The following ANGPT4 variants were observed in gnomAD, a reference collection of about 807,000 sequenced individuals.
The protein encoded by ANGPT4 is angiopoietin 4.
ANGPT4 carries 50 observed loss-of-function variants against 53.0 expected under a neutral mutation model. That is an observed-to-expected ratio of 0.94 (90% CI 0.75 to 1.20). The LOEUF (loss-of-function observed/expected upper bound fraction) is 1.20. ANGPT4 is among the 50% of genes most tolerant of loss of function. The pLI is 0.00. For missense variants in ANGPT4, 648 were observed against 637.1 expected, an observed-to-expected ratio of 1.02 and a Z score of -0.18; for synonymous variants, 251 against 259.7, an observed-to-expected ratio of 0.97 and a Z score of 0.32.
chr20:900,606 T>A (rs1052437780), intron 1 of ANGPT4, among the ~76,000 whole-genome samples: 4 of 152,198 alleles, frequency 2.6e-5, no homozygotes, highest in African/African-American at 9.7e-5. Flanking sequence ...AACAGTTCAC[T>A]ACTATTTTGT....
intron 1 of ANGPT4, among the ~76,000 whole-genome samples, chr20:893,628 C>G (rs1477906712): frequency 2.0e-5 from 3 of 152,110 alleles, no homozygotes; most frequent in African/African-American, 7.2e-5. Context: ...ATGTCCCCAA[C>G]TCGCCATCTC....
intron 4 of ANGPT4, among the ~76,000 whole-genome samples, chr20:884,463 C>T (rs886886802): frequency 2.0e-5 from 3 of 152,234 alleles, no homozygotes; most frequent in Admixed American, 2.0e-4. Flanking sequence ...TGTTTGTTGA[C>T]TGAGTGATTG....
intron 4 of ANGPT4, 41 bp from the exon 5 acceptor site, chr20:881,327 G>A (rs1423587719): frequency 1.9e-6 from 3 of 1,590,340 alleles, no homozygotes; most frequent in Admixed American, 1.7e-5. Flanking sequence ...AGGTGGGCAA[G>A]GAAAGAGAGA....
At chr20:883,881 C>T (rs1163500689) in intron 4 of ANGPT4, among the ~76,000 whole-genome samples, 7 of 152,298 alleles carry the variant, frequency 4.6e-5, no homozygotes, top group East Asian at 3.9e-4. Context: ...CCACATGTCG[C>T]GATTTGGAAG....
Position 885,205 on chromosome 20 carries a change from G to T in ANGPT4, c.708C>A (p.Asn236Lys). The stretch of plus-strand genomic sequence containing the variant: ...TGACACCGCGCAGGCCGCGCTCGAT[G>T]TTGGTGAGGGCGGCGCTCTGGCGGC... ...TLSRQSAALT[N>K]IERGLRGVRH... Residue 236 changes from asparagine (N) to lysine (K), a missense_variant, in exon 4 of 9, where the codon AAC (asparagine) becomes AAA (lysine). By Grantham distance (94) the Asn-to-Lys change is moderately conservative. Coordinates refer to ENST00000381922, the MANE Select transcript of ANGPT4 (RefSeq NM_015985.4). 2 of 1,599,050 alleles carry T rather than the reference G, an allele frequency of 1.3e-6. No individual in the cohort carries two copies. The highest frequency in any genetic ancestry group is 1.7e-5 in the Admixed American group (1 of 57,978).
chr20:900,046 A>G (rs983049829), intron 1 of ANGPT4, among the ~76,000 whole-genome samples: 1 of 152,208 alleles, frequency 6.6e-6, no homozygotes, highest in East Asian at 1.9e-4. Flanking sequence ...TCCTCCTTCC[A>G]GCCTCACAGG....
intron 1 of ANGPT4, among the ~76,000 whole-genome samples, chr20:900,231 A>T (rs372864700): frequency 6.6e-6 from 1 of 152,126 alleles, no homozygotes; most frequent in Non-Finnish European, 1.5e-5. Flanking sequence ...TTGTTTGCTT[A>T]TACCCAGCCC....
intron 1 of ANGPT4, among the ~76,000 whole-genome samples, chr20:910,863 A>G (rs1982668497): frequency 6.6e-6 from 1 of 152,118 alleles, no homozygotes; most frequent in Non-Finnish European, 1.5e-5. Flanking sequence ...GGTCATCCCC[A>G]GGCCGAGGGT....
chr20:916,279 T>A lies in ANGPT4; in HGVS notation c.-65A>T. 2 of 1,533,996 alleles carry A rather than the reference T, an allele frequency of 1.3e-6. No individual in the cohort carries two copies. Among genetic ancestry groups the A allele is most frequent in the Non-Finnish European group, 1.8e-6 (2 of 1,130,168 alleles). Reference sequence around the variant, plus strand: ...CCTAGGGGCTGTGCCTGGGATGTCCTGCTGCAGCCAACAGTGGCCAGGCTT... The same window carrying A: ...CCTAGGGGCTGTGCCTGGGATGTCCAGCTGCAGCCAACAGTGGCCAGGCTT... On this transcript the variant is annotated 5_prime_UTR_variant, in exon 1 of 9. Coordinates refer to ENST00000381922, the MANE Select transcript of ANGPT4 (RefSeq NM_015985.4).
rs1982943368 is a variant in ANGPT4, at chr20:916,255, C to G, written c.-41G>C. ...TGGCGAGGGATGTCTGCTCAGAGCC[C>G]TAGGGGCTGTGCCTGGGATGTCCTG... On this transcript the variant is annotated 5_prime_UTR_variant, in exon 1 of 9. Transcript: ENST00000381922. 4 of 1,577,946 alleles carry G rather than the reference C, an allele frequency of 2.5e-6. No homozygotes were observed. Among genetic ancestry groups the G allele is most frequent in the African/African-American group, 2.7e-5 (2 of 74,482 alleles).
chr20:908,760 C>T lies in ANGPT4; in HGVS notation c.309+7146G>A, dbSNP rs76251843. 0.032 allele frequency among the ~76,000 whole-genome samples: 4,857 copies of T among 150,750 alleles called. 246 individuals are homozygous for T. The highest frequency in any genetic ancestry group is 0.11 in the African/African-American group (4,384 of 40,850). ...CAAACTAAGTTCAGAGTTGTGTATA[C>T]ACATTTGTGTTTGTGTGTGGTGGGG... On this transcript the variant is annotated intron_variant, in intron 1 of 8. Transcript: ENST00000381922. The surrounding 1 kb of genome is among the most constrained non-coding windows in gnomAD (Gnocchi z 4.9).
chr20:899,903 G>A (rs1982222448), intron 1 of ANGPT4, among the ~76,000 whole-genome samples: 1 of 152,182 alleles, frequency 6.6e-6, no homozygotes, highest in South Asian at 2.1e-4. Flanking sequence ...TTCAGGGACA[G>A]CCCCTATTAC....
In ANGPT4 at chr20:908,197, C is replaced by T. The variant is rs1982556400; in HGVS notation, c.309+7709G>A. On this transcript the variant is annotated intron_variant, in intron 1 of 8. Coordinates refer to ENST00000381922, the MANE Select transcript of ANGPT4 (RefSeq NM_015985.4). This position sits in a 1 kb window ranked among gnomAD's most constrained non-coding sequence, Gnocchi z 4.9. ...GGACAGGACAGAAAAGTGGCCACATCTCTTCCCAGTCTCCATGGTCCTCCA... is the reference window on the plus strand; with the variant it reads ...GGACAGGACAGAAAAGTGGCCACATTTCTTCCCAGTCTCCATGGTCCTCCA... Among the ~76,000 whole-genome samples the T allele has an allele frequency of 6.6e-6, 1 of 152,144 alleles. No homozygotes were observed. Among genetic ancestry groups the T allele is most frequent in the Non-Finnish European group, 1.5e-5 (1 of 68,028 alleles).
chr20:912,226 C>T (rs1030503047), intron 1 of ANGPT4, among the ~76,000 whole-genome samples: 50 of 152,204 alleles, frequency 3.3e-4, no homozygotes, highest in African/African-American at 1.2e-3. Flanking sequence ...CAGTCACACA[C>T]GGGAGCCCTT....
chr20:901,872 A>G (rs77829900), intron 1 of ANGPT4, among the ~76,000 whole-genome samples: 4,976 of 152,308 alleles, frequency 0.033, 281 homozygotes, highest in African/African-American at 0.11. Flanking sequence ...TGATCATGCC[A>G]CTGCTCTCCA....
intron 1 of ANGPT4, among the ~76,000 whole-genome samples, chr20:900,238 G>A (rs1306495685): frequency 6.6e-6 from 1 of 152,044 alleles, no homozygotes; most frequent in African/African-American, 2.4e-5. Context: ...CTTATACCCA[G>A]CCCTGTAAAT....
Position 885,187 on chromosome 20 carries a change from G to A in ANGPT4, c.726C>T (p.Arg242=), listed in dbSNP as rs1282560552. The A allele has an allele frequency of 2.5e-6, 4 of 1,602,900 alleles. No individual in the cohort carries two copies. Among genetic ancestry groups the A allele is most frequent in the Non-Finnish European group, 3.4e-6 (4 of 1,174,804 alleles). ...AALTNIERGL[R]GVRHNSSLLQ... is the part of the protein sequence containing the mutation. ...GGAGGCTGGAGTTGTGCCTGACACC[G>A]CGCAGGCCGCGCTCGATGTTGGTGA... Residue 242 remains arginine, a synonymous_variant, in exon 4 of 9, where the codon CGC becomes CGT. Coordinates refer to ENST00000381922, the MANE Select transcript of ANGPT4 (RefSeq NM_015985.4).
At chr20:884,956 G>C (rs967454844) in intron 4 of ANGPT4, 122 bp downstream of exon 4, 22 of 1,349,530 alleles carry the variant, frequency 1.6e-5, no homozygotes, top group Non-Finnish European at 2.1e-5. Flanking sequence ...TTCACAGATG[G>C]TCGGGGAGGG....
chr20:912,458 C>T (rs909925545), intron 1 of ANGPT4, among the ~76,000 whole-genome samples: 2 of 152,188 alleles, frequency 1.3e-5, no homozygotes, highest in South Asian at 2.1e-4. Context: ...GCACTGCAGC[C>T]GGCTCTGTCC....
Sources: allele counts gnomAD v4.1 joint callset (sites outside exome capture counted in the v4.1 genomes callset), GRCh38; gene constraint gnomAD v4.1.1; non-coding constraint Gnocchi (gnomAD v3.1); transcripts MANE v1.5; gene names NCBI Gene and HGNC (gene_info 2026-07-23, HGNC 2026-07-21).